Variants in STAG1 observed in about 807,000 individuals in gnomAD.
STAG1 encodes cohesin subunit SA-1.
STAG1 carries 26 observed loss-of-function variants against 170.9 expected under a neutral mutation model. That is an observed-to-expected ratio of 0.15 (90% CI 0.11 to 0.21). The LOEUF (loss-of-function observed/expected upper bound fraction) is 0.21, where lower values mean the gene tolerates loss of function less well. Ranked by LOEUF, STAG1 falls within the 10% of genes least tolerant of loss-of-function variation. The pLI, the probability that STAG1 is intolerant of heterozygous loss-of-function variation, is 1.00. For missense variants in STAG1, 964 were observed against 1,509.5 expected (o/e 0.64, Z 5.99); for synonymous variants, 514 against 497.7 (o/e 1.03, Z -0.44).
At chr3:136,486,210 ACT>A (rs2107837041) in intron 9 of STAG1, among the ~76,000 whole-genome samples, 1 of 152,362 alleles carries the variant, frequency 6.6e-6, no homozygotes, top group Admixed American at 6.5e-5. Context: ...TCTGTGAGAC[ACT>A]GTTTTGATAC....
chr3:136,683,918 A>T (rs1942426557), intron 1 of STAG1, among the ~76,000 whole-genome samples: 1 of 152,218 alleles, frequency 6.6e-6, no homozygotes, highest in Non-Finnish European at 1.5e-5. Context: ...TTTAAAACTC[A>T]ATACCATTTA....
At chr3:136,704,821 C>CAAAAAAAAAAAAA (rs67207510) in intron 1 of STAG1, among the ~76,000 whole-genome samples, 40 of 51,368 alleles carry the variant, frequency 7.8e-4, no homozygotes, top group East Asian at 1.7e-3. Context: ...GTCCCTGTCT[C>CAAAAAAAAAAAAA]AAAAAAAAAA....
intron 22 of STAG1, among the ~76,000 whole-genome samples, chr3:136,394,685 G>A (rs1224990781): frequency 6.6e-6 from 1 of 151,934 alleles, no homozygotes; most frequent in Non-Finnish European, 1.5e-5. Context: ...AATTTGGGAG[G>A]CGAAGACAGG....
intron 1 of STAG1, among the ~76,000 whole-genome samples, chr3:136,704,120 G>C (rs573252297): frequency 1.3e-5 from 2 of 148,954 alleles, no homozygotes; most frequent in Non-Finnish European, 3.0e-5. Flanking sequence ...GTGCGATCTC[G>C]GCTCACTTCA....
intron 1 of STAG1, among the ~76,000 whole-genome samples, chr3:136,653,455 T>A (rs1280016672): frequency 6.6e-6 from 1 of 152,202 alleles, no homozygotes. Flanking sequence ...AATTCAAATA[T>A]GAAATTCAGA....
intron 22 of STAG1, among the ~76,000 whole-genome samples, chr3:136,392,906 G>C (rs2087051061): frequency 6.6e-6 from 1 of 151,746 alleles, no homozygotes; most frequent in Non-Finnish European, 1.5e-5. Context: ...GCTGAAGTAG[G>C]AGAGCTCAAA....
intron 21 of STAG1, among the ~76,000 whole-genome samples, chr3:136,410,884 G>A (rs1004742033): frequency 5.9e-5 from 9 of 152,148 alleles, no homozygotes; most frequent in African/African-American, 2.2e-4. Context: ...TGAGGCATGA[G>A]AATCTCTTGA....
intron 1 of STAG1, among the ~76,000 whole-genome samples, chr3:136,703,728 G>A (rs1252760577): frequency 6.6e-6 from 1 of 151,970 alleles, no homozygotes; most frequent in Non-Finnish European, 1.5e-5. Flanking sequence ...CGTAGACTGG[G>A]GCTGGGCTCA....
chr3:136,667,481 G>A (rs554105286), intron 1 of STAG1, among the ~76,000 whole-genome samples: 2 of 152,162 alleles, frequency 1.3e-5, no homozygotes, highest in Admixed American at 6.5e-5. Flanking sequence ...ATGAACATAT[G>A]AAAATGGTTT....
At chr3:136,694,054 G>T (rs951716198) in intron 1 of STAG1, among the ~76,000 whole-genome samples, 1 of 152,154 alleles carries the variant, frequency 6.6e-6, no homozygotes, top group Non-Finnish European at 1.5e-5. Context: ...AGGAAAGCCA[G>T]AATTTTCTCT....
chr3:136,515,908 A>T (rs1934350859), intron 7 of STAG1, among the ~76,000 whole-genome samples: 1 of 152,210 alleles, frequency 6.6e-6, no homozygotes, highest in African/African-American at 2.4e-5. Context: ...AAATTGAATA[A>T]AGATTTTATA....
At chr3:136,612,843 A>C (rs776385359) in intron 3 of STAG1, among the ~76,000 whole-genome samples, 2 of 152,240 alleles carry the variant, frequency 1.3e-5, no homozygotes, top group Non-Finnish European at 2.9e-5. Context: ...AATAAAAAAC[A>C]TTCACAAGCA....
At chr3:136,687,800 G>T (rs1454848689) in intron 1 of STAG1, among the ~76,000 whole-genome samples, 1 of 150,382 alleles carries the variant, frequency 6.6e-6, no homozygotes, top group Non-Finnish European at 1.5e-5. Flanking sequence ...GCCATGGCAT[G>T]ATATCAGCTC....
intron 1 of STAG1, among the ~76,000 whole-genome samples, chr3:136,748,370 T>C (rs2107959476): frequency 6.6e-6 from 1 of 151,818 alleles, no homozygotes; most frequent in South Asian, 2.1e-4. Flanking sequence ...CATTGCACTC[T>C]GGTCGGGGCA....
At chr3:136,708,689 A>G (rs1576792832) in intron 1 of STAG1, among the ~76,000 whole-genome samples, 1 of 152,294 alleles carries the variant, frequency 6.6e-6, no homozygotes, top group East Asian at 1.9e-4. Flanking sequence ...AATATGAAAT[A>G]AACAGTTTCT....
At chr3:136,574,343 T>TACACACACACAC (rs144809759) in intron 4 of STAG1, among the ~76,000 whole-genome samples, 5 of 148,962 alleles carry the variant, frequency 3.4e-5, no homozygotes, top group African/African-American at 9.8e-5. Flanking sequence ...TGTGTGTGTA[T>TACACACACACAC]ACACACACAC....
At chr3:136,441,253 A>T (rs755164129) in intron 15 of STAG1, among the ~76,000 whole-genome samples, 5 of 152,030 alleles carry the variant, frequency 3.3e-5, no homozygotes, top group African/African-American at 4.8e-5. Flanking sequence ...GGCTGGTCTC[A>T]AACTCCTGAC....
intron 16 of STAG1, among the ~76,000 whole-genome samples, chr3:136,431,955 A>G (rs746183515): frequency 3.3e-5 from 5 of 151,980 alleles, no homozygotes; most frequent in Non-Finnish European, 5.9e-5. Flanking sequence ...TCTCTCATCA[A>G]ATTTGGGAGG....
intron 22 of STAG1, among the ~76,000 whole-genome samples, chr3:136,383,823 C>T (rs565394155): frequency 6.6e-6 from 1 of 151,934 alleles, no homozygotes; most frequent in South Asian, 2.1e-4. Flanking sequence ...AGCGTGGTGG[C>T]AGGCGCCTGT....
Sources: gnomAD v4.1 joint callset for allele counts (sites outside exome capture counted in the v4.1 genomes callset) on GRCh38, gnomAD v4.1.1 for gene constraint, MANE v1.5 for transcripts, NCBI Gene and HGNC (gene_info 2026-07-23, HGNC 2026-07-21) for gene names.